Variants in MAP3K10 observed in about 807,000 individuals in gnomAD.
MAP3K10 encodes MKN28 derived nonreceptor_type serine/threonine kinase.
A neutral mutation model predicts 75.0 loss-of-function variants in MAP3K10; 22 were observed. The ratio of observed to expected loss-of-function variants is 0.29; its 90% CI spans 0.21 to 0.42. The LOEUF (loss-of-function observed/expected upper bound fraction) is 0.42. Ranked by LOEUF, MAP3K10 falls within the 10% of genes least tolerant of loss-of-function variation. The pLI is 1.00. For missense variants in MAP3K10, 1,165 were observed against 1,379.8 expected (o/e 0.84, Z 2.47); for synonymous variants, 599 against 612.9 (o/e 0.98, Z 0.34).
chr19:40,214,364 G>A (rs1358495678), intron 9 of MAP3K10, 143 bp downstream of exon 9: 6 of 1,054,476 alleles, frequency 5.7e-6, no homozygotes, highest in South Asian at 2.0e-5. Flanking sequence ...TCCCTTTACC[G>A]CTCACTCCTG....
At position 40,204,439 on chromosome 19, in the gene MAP3K10, A is replaced by G. The variant is rs758092670; in HGVS notation, c.864-46A>G. The G allele has an allele frequency of 6.3e-7, 1 of 1,591,528 alleles. No individual in the cohort carries two copies. Among genetic ancestry groups the G allele is most frequent in the Non-Finnish European group, 8.5e-7 (1 of 1,170,774 alleles). On this transcript the variant is annotated intron_variant, in intron 2 of 9. Coordinates refer to ENST00000253055, the MANE Select transcript of MAP3K10 (RefSeq NM_002446.4). This position sits in a 1 kb window ranked among gnomAD's most constrained non-coding sequence, Gnocchi z 4.3. ...AGGGCAGGGCTGGGTATAGGTGAGGATTGGGGTGGGCTGCGACATCACCCC... is the reference window on the plus strand; with the variant it reads ...AGGGCAGGGCTGGGTATAGGTGAGGGTTGGGGTGGGCTGCGACATCACCCC...
chr19:40,212,790 C>G lies in MAP3K10; in HGVS notation c.1553-15C>G. On this transcript the variant is annotated splice_polypyrimidine_tract_variant and intron_variant, in intron 6 of 9. Transcript: ENST00000253055. This position sits in a 1 kb window ranked among gnomAD's most constrained non-coding sequence, Gnocchi z 4.2. ...GATCCTCCACCCAGTAACCAAGTGG[C>G]TTCTCTGGACCCAGTGACTCCCGTG... 6.3e-7 allele frequency: 1 copy of G among 1,576,164 alleles called. No individual in the cohort carries two copies. Among genetic ancestry groups the G allele is most frequent in the Non-Finnish European group, 8.6e-7 (1 of 1,162,128 alleles).
chr19:40,206,631 G>C (rs2145087561), intron 5 of MAP3K10, among the ~76,000 whole-genome samples: 1 of 152,032 alleles, frequency 6.6e-6, no homozygotes, highest in South Asian at 2.1e-4. Flanking sequence ...AGCCAAATGA[G>C]TTACTCTAGT....
chr19:40,205,010 G>A lies in MAP3K10; in HGVS notation c.1013-111G>A, dbSNP rs1300696714. The A allele has an allele frequency of 1.0e-5, 10 of 982,894 alleles. No homozygotes were observed. The highest frequency in any genetic ancestry group is 1.6e-5 in the African/African-American group (1 of 62,566). The allele number at this position is 982,894 out of a possible 1,614,324, so 60.9% of individuals were successfully genotyped here. A position where few individuals can be genotyped will look rare whatever the true frequency, so the allele number is the denominator to read the frequency against. On this transcript the variant is annotated intron_variant, in intron 3 of 9. Coordinates refer to ENST00000253055, the MANE Select transcript of MAP3K10 (RefSeq NM_002446.4). This position sits in a 1 kb window ranked among gnomAD's most constrained non-coding sequence, Gnocchi z 4.3. ...CCTTCCCCTCAGCTCCATAGCAGCT[G>A]TTTGTCTGCCATCCCCAGAAATTCT...
intron 2 of MAP3K10, among the ~76,000 whole-genome samples, chr19:40,200,838 G>T (rs187674873): frequency 1.1e-4 from 17 of 151,974 alleles, no homozygotes. Context: ...TTGAAGTCCT[G>T]ACCTCAGGTG....
chr19:40,192,070 C>G lies in MAP3K10; in HGVS notation c.39C>G (p.Gly13=), dbSNP rs1402993008. The part of the protein sequence containing the change: ...EEEGAVAKEW[G]TTPAGPVWTA... The stretch of plus-strand genomic sequence containing the variant: ...AGGGGGCGGTGGCCAAGGAGTGGGG[C>G]ACGACCCCCGCGGGGCCCGTCTGGA... The change falls in exon 1 of 10, where the codon GGC becomes GGG. Residue 13 remains glycine, a synonymous_variant. Coordinates refer to ENST00000253055, the MANE Select transcript of MAP3K10 (RefSeq NM_002446.4). This position sits in a 1 kb window ranked among gnomAD's most constrained non-coding sequence, Gnocchi z 7.1. 2.0e-6 allele frequency: 3 copies of G among 1,489,102 alleles called. No individual in the cohort carries two copies. Among genetic ancestry groups the G allele is most frequent in the Admixed American group, 4.8e-5 (2 of 41,804 alleles). 92.2% of individuals were successfully genotyped at this position (1,489,102 alleles called of 1,614,324 possible).
intron 6 of MAP3K10, among the ~76,000 whole-genome samples, chr19:40,211,317 CTTTTT>C (rs57347451): frequency 7.5e-6 from 1 of 133,208 alleles, no homozygotes; most frequent in Admixed American, 7.4e-5. Context: ...ATTTTCCTTT[CTTTTT>C]TTTTTTTTTT....
intron 1 of MAP3K10, among the ~76,000 whole-genome samples, chr19:40,194,814 T>C (rs1428979398): frequency 6.6e-6 from 1 of 152,156 alleles, no homozygotes; most frequent in Admixed American, 6.5e-5. Flanking sequence ...CAAGGCAAGA[T>C]TTCTCCCTCC....
In MAP3K10 at chr19:40,198,842, C is replaced by T. The variant is rs1320605907; in HGVS notation, c.863+287C>T. On this transcript the variant is annotated intron_variant, in intron 2 of 9. Coordinates refer to ENST00000253055, the MANE Select transcript of MAP3K10 (RefSeq NM_002446.4). This position sits in a 1 kb window ranked among gnomAD's most constrained non-coding sequence, Gnocchi z 4.3. ...CAGCACTTTGGGAGGCCGAGGTGGGCGGATCACTTGAGGTCAGGAGTTTGA... is the reference window on the plus strand; with the variant it reads ...CAGCACTTTGGGAGGCCGAGGTGGGTGGATCACTTGAGGTCAGGAGTTTGA... Among the ~76,000 whole-genome samples the T allele has an allele frequency of 1.3e-5, 2 of 152,258 alleles. No homozygotes were observed. The highest frequency in any genetic ancestry group is 2.1e-4 in the South Asian group (1 of 4,824).
chr19:40,204,742 G>A lies in MAP3K10; in HGVS notation c.1012+109G>A, dbSNP rs559883462. 5.3e-5 allele frequency: 70 copies of A among 1,329,568 alleles called. 1 individual carries two copies. The South Asian group carries it at 9.9e-4, about 19-fold the overall frequency. The allele number at this position is 1,329,568 out of a possible 1,614,324, so 82.4% of individuals were successfully genotyped here. The stretch of plus-strand genomic sequence containing the variant: ...TCCATACCAGTGGGCCCAGGAGTGA[G>A]GAAGAAGGGGCTGGAACCCACTGGA... On this transcript the variant is annotated intron_variant, in intron 3 of 9. Transcript: ENST00000253055. This position sits in a 1 kb window ranked among gnomAD's most constrained non-coding sequence, Gnocchi z 4.3.
At chr19:40,201,310 CT>C (rs1973014477) in intron 2 of MAP3K10, among the ~76,000 whole-genome samples, 1 of 151,600 alleles carries the variant, frequency 6.6e-6, no homozygotes, top group Non-Finnish European at 1.5e-5. Context: ...GTAGCTGGGA[CT>C]ACAGGCACAT....
chr19:40,203,211 C>T (rs1318496230), intron 2 of MAP3K10, among the ~76,000 whole-genome samples: 2 of 151,942 alleles, frequency 1.3e-5, no homozygotes, highest in African/African-American at 4.8e-5. Flanking sequence ...TGGTGGTGCA[C>T]ATCTGTAATC....
chr19:40,202,647 T>C (rs1458268763), intron 2 of MAP3K10, among the ~76,000 whole-genome samples: 2 of 152,208 alleles, frequency 1.3e-5, no homozygotes, highest in African/African-American at 4.8e-5. Context: ...TTATTTTTCA[T>C]TTAAAAAAAT....
chr19:40,208,411 T>A (rs1373951686), intron 5 of MAP3K10, among the ~76,000 whole-genome samples: 2 of 139,656 alleles, frequency 1.4e-5, no homozygotes, highest in African/African-American at 5.2e-5. Flanking sequence ...TTAGCCAGGA[T>A]GGTCTCAATC....
intron 6 of MAP3K10, among the ~76,000 whole-genome samples, chr19:40,211,589 A>C (rs1199254716): frequency 7.3e-6 from 1 of 136,242 alleles, no homozygotes; most frequent in Admixed American, 8.5e-5. Flanking sequence ...CATGTGATCT[A>C]TTTGCTCAGC....
In MAP3K10 at chr19:40,204,850, C is replaced by A; in HGVS notation, c.1012+217C>A. ...CCAGGCCCAGAGCTCTCAGGACAACCTGTTAGGATTCCTTGGCCCTGGGAT... is the reference window on the plus strand; with the variant it reads ...CCAGGCCCAGAGCTCTCAGGACAACATGTTAGGATTCCTTGGCCCTGGGAT... On this transcript the variant is annotated intron_variant, in intron 3 of 9. Transcript: ENST00000253055. This position sits in a 1 kb window ranked among gnomAD's most constrained non-coding sequence, Gnocchi z 4.3. 1 of 647,086 alleles carries A rather than the reference C, an allele frequency of 1.5e-6. No individual in the cohort carries two copies. The highest frequency in any genetic ancestry group is 2.6e-6 in the Non-Finnish European group (1 of 381,636). 40.1% of individuals were successfully genotyped at this position (647,086 alleles called of 1,614,324 possible).
Position 40,215,080 on chromosome 19 carries a change from C to A in MAP3K10, c.2653C>A (p.Pro885Thr), listed in dbSNP as rs762522233. The A allele has an allele frequency of 1.1e-5, 17 of 1,610,438 alleles. 1 individual carries two copies. In the South Asian group the frequency reaches 1.8e-4, roughly 17 times the overall value. ...CCGCCCCACCACCCTGACCTTTGCCCCGAGACCTCGGCCGGCTGCCAGTCG... is the reference window on the plus strand; with the variant it reads ...CCGCCCCACCACCCTGACCTTTGCCACGAGACCTCGGCCGGCTGCCAGTCG... ...PGRPTTLTFA[P>T]RPRPAASRPR... is the part of the protein sequence containing the mutation. Residue 885 changes from proline to threonine, a missense_variant, in exon 10 of 10, where the codon CCG becomes ACG. By Grantham distance (38) the Pro-to-Thr change is conservative. Around this residue, in one of 2 missense-constraint regions of MAP3K10, gnomAD observed 590 missense variants for 586.6 expected, o/e 1.01. Coordinates refer to ENST00000253055, the MANE Select transcript of MAP3K10 (RefSeq NM_002446.4).
Position 40,204,414 on chromosome 19 carries a change from A to C in MAP3K10, c.864-71A>C. On this transcript the variant is annotated intron_variant, in intron 2 of 9. Coordinates refer to ENST00000253055, the MANE Select transcript of MAP3K10 (RefSeq NM_002446.4). This position sits in a 1 kb window ranked among gnomAD's most constrained non-coding sequence, Gnocchi z 4.3. ...GTGAGGGCAGCCCTGCATGGGACCA[A>C]GGGCAGGGCTGGGTATAGGTGAGGA... 6.5e-7 allele frequency: 1 copy of C among 1,537,182 alleles called. No individual in the cohort carries two copies. Among genetic ancestry groups the C allele is most frequent in the Non-Finnish European group, 8.8e-7 (1 of 1,137,944 alleles).
At position 40,204,408 on chromosome 19, in the gene MAP3K10, G is replaced by A. The variant is rs1973076958; in HGVS notation, c.864-77G>A. Reference sequence around the variant, plus strand: ...GTTGGGGTGAGGGCAGCCCTGCATGGGACCAAGGGCAGGGCTGGGTATAGG... The same window carrying A: ...GTTGGGGTGAGGGCAGCCCTGCATGAGACCAAGGGCAGGGCTGGGTATAGG... On this transcript the variant is annotated intron_variant, in intron 2 of 9. Coordinates refer to ENST00000253055, the MANE Select transcript of MAP3K10 (RefSeq NM_002446.4). This position sits in a 1 kb window ranked among gnomAD's most constrained non-coding sequence, Gnocchi z 4.3. 6.6e-7 allele frequency: 1 copy of A among 1,520,390 alleles called. No individual in the cohort carries two copies. Among genetic ancestry groups the A allele is most frequent in the African/African-American group, 1.4e-5 (1 of 73,444 alleles). 94.2% of individuals were successfully genotyped at this position (1,520,390 alleles called of 1,614,324 possible).
Sources: gnomAD v4.1 joint callset for allele counts (sites outside exome capture counted in the v4.1 genomes callset) on GRCh38, gnomAD v4.1.1 for gene constraint, gnomAD v4.1.1 regional missense constraint, Gnocchi (gnomAD v3.1) non-coding constraint, MANE v1.5 for transcripts, NCBI Gene and HGNC (gene_info 2026-07-23, HGNC 2026-07-21) for gene names.